SLC4A4: variants seen among roughly 807,000 people sequenced by gnomAD.
SLC4A4 encodes the protein solute carrier family 4 member 4, also known as electrogenic sodium bicarbonate cotransporter 1.
SLC4A4 carries 27 observed loss-of-function variants against 111.5 expected under a neutral mutation model. That is an observed-to-expected ratio of 0.24 (90% confidence interval 0.18 to 0.33). The LOEUF (loss-of-function observed/expected upper bound fraction) is 0.33. Ranked by LOEUF, SLC4A4 falls within the 10% of genes least tolerant of loss-of-function variation. The pLI is 1.00. For missense variants in SLC4A4, 909 were observed against 1,315.5 expected (o/e 0.69, Z 4.78); for synonymous variants, 443 against 463.4 (o/e 0.96, Z 0.57).
chr4:71,071,244 T>C (rs1741651062), intron 1 of SLC4A4, among the ~76,000 whole-genome samples: 1 of 144,138 alleles, frequency 6.9e-6, no homozygotes. Context: ...CTCTCCAGTC[T>C]AGGCGACAGA....
In SLC4A4 at chr4:71,527,794, T is replaced by C. The variant is rs776583489; in HGVS notation, c.2167-4268T>C. ...CAAGTGGAGGTGTCAGGTAGTTAGA[T>C]AGATAATTCTGGAATTTGGAAGAGT... On this transcript the variant is annotated intron_variant, in intron 16 of 25. Transcript: ENST00000264485. Among the ~76,000 whole-genome samples the C allele has an allele frequency of 6.6e-5, 10 of 152,216 alleles. 1 individual carries two copies. The South Asian group carries it at 1.7e-3, about 25-fold the overall frequency.
intron 2 of SLC4A4, among the ~76,000 whole-genome samples, chr4:71,246,799 A>G (rs753433924): frequency 3.4e-4 from 51 of 152,108 alleles, no homozygotes; most frequent in Non-Finnish European, 7.1e-4. Context: ...TGGTACCATG[A>G]TAGTGGAAAA....
chr4:71,267,878 G>A (rs1422649453), intron 3 of SLC4A4, among the ~76,000 whole-genome samples: 1 of 146,148 alleles, frequency 6.8e-6, no homozygotes, highest in Non-Finnish European at 1.5e-5. Flanking sequence ...CATGATAAAA[G>A]CACATCTATA....
chr4:71,211,435 CATG>C (rs1718124478), intron 1 of SLC4A4, among the ~76,000 whole-genome samples: 1 of 152,114 alleles, frequency 6.6e-6, no homozygotes, highest in Non-Finnish European at 1.5e-5. Flanking sequence ...TAGCTCACAC[CATG>C]AGGTTGTTTT....
At chr4:71,255,854 T>C (rs1360459761) in intron 3 of SLC4A4, among the ~76,000 whole-genome samples, 2 of 152,160 alleles carry the variant, frequency 1.3e-5, no homozygotes, top group African/African-American at 4.8e-5. Flanking sequence ...AACCAGGTTA[T>C]GAGTCAGGTC....
intron 6 of SLC4A4, among the ~76,000 whole-genome samples, chr4:71,373,783 G>A (rs78707762): frequency 1.8e-3 from 274 of 152,232 alleles, no homozygotes; most frequent in African/African-American, 6.3e-3. Flanking sequence ...CTAGGATTGC[G>A]ACTGTGGAAG....
chr4:71,152,372 A>T (rs929120729), intron 2 of SLC4A4, among the ~76,000 whole-genome samples: 1 of 152,102 alleles, frequency 6.6e-6, no homozygotes, highest in African/African-American at 2.4e-5. Flanking sequence ...TTTTTCTATG[A>T]CTTGCTTTTT....
intron 3 of SLC4A4, among the ~76,000 whole-genome samples, chr4:71,280,549 TC>T (rs1723428100): frequency 6.6e-6 from 1 of 152,192 alleles, no homozygotes; most frequent in Admixed American, 6.5e-5. Context: ...TTAAACTATT[TC>T]AAGTTAATCT....
intron 2 of SLC4A4, among the ~76,000 whole-genome samples, chr4:71,248,660 A>G (rs899567074): frequency 6.6e-6 from 1 of 152,238 alleles, no homozygotes; most frequent in African/African-American, 2.4e-5. Context: ...TCTAGCTAAG[A>G]TCTTTTCAAA....
intron 2 of SLC4A4, among the ~76,000 whole-genome samples, chr4:71,137,872 AC>A (rs1743889118): frequency 6.6e-6 from 1 of 152,220 alleles, no homozygotes; most frequent in Non-Finnish European, 1.5e-5. Context: ...AGTTTCAGTC[AC>A]AAAGAAATTT....
chr4:71,519,749 A>G (rs1394483268), intron 16 of SLC4A4, among the ~76,000 whole-genome samples: 1 of 152,080 alleles, frequency 6.6e-6, no homozygotes, highest in African/African-American at 2.4e-5. Context: ...ATTCTCCTGC[A>G]TCAGTCTCCT....
chr4:71,336,114 A>T (rs1001711033), intron 3 of SLC4A4, among the ~76,000 whole-genome samples: 2 of 152,206 alleles, frequency 1.3e-5, no homozygotes, highest in Non-Finnish European at 2.9e-5. Flanking sequence ...CTCAGTAAAC[A>T]TTTGCTGAAT....
At chr4:71,237,791 GC>G (rs1201006228) in intron 2 of SLC4A4, among the ~76,000 whole-genome samples, 1 of 151,994 alleles carries the variant, frequency 6.6e-6, no homozygotes, top group African/African-American at 2.4e-5. Flanking sequence ...GCCTCCACCC[GC>G]CCCCCTCAAC....
intron 15 of SLC4A4, among the ~76,000 whole-genome samples, 188 bp downstream of exon 15, chr4:71,487,206 T>G (rs1246644170): frequency 1.3e-5 from 2 of 151,604 alleles, no homozygotes; most frequent in Non-Finnish European, 3.0e-5. Context: ...CAGCACTTTT[T>G]TTTTATTTGC....
intron 2 of SLC4A4, among the ~76,000 whole-genome samples, chr4:71,096,927 A>G (rs1742574818): frequency 1.3e-5 from 2 of 152,224 alleles, no homozygotes; most frequent in Non-Finnish European, 2.9e-5. Context: ...GAGTTCTTTT[A>G]TGAATTAGTG....
rs12499184 is a variant in SLC4A4 at position 71,084,553 on chromosome 4, C to A, written c.-64-8177C>A. Among the ~76,000 whole-genome samples the A allele has an allele frequency of 2.0e-3, 299 of 151,736 alleles. 2 individuals carry two copies. Among genetic ancestry groups the A allele is most frequent in the African/African-American group, 6.9e-3 (286 of 41,220 alleles). On this transcript the variant is annotated intron_variant, in intron 1 of 26. Coordinates refer to the SLC4A4 transcript ENST00000649996. ...ATATCTCCTAATGCTATCCCTCCCC[C>A]CTGCCCCCACTGCACAACAGGCCCC...
Position 71,453,507 on chromosome 4 carries a change from AC to A in SLC4A4, c.1336del (p.Leu446Ter). ...LQRTGRFCGG[L>X]IKDIKRKAPF... ...TCTCTCTGCCCAGGTTCTGTGGTGG[AC>A]TAATTAAAGACATAAAGAGGAAAGC... On this transcript the variant is annotated frameshift_variant, in exon 12 of 26. Coordinates refer to ENST00000264485, the MANE Select transcript of SLC4A4 (RefSeq NM_001098484.3). LOFTEE classifies it high-confidence loss of function. 1 of 1,613,862 alleles carries A rather than the reference AC, an allele frequency of 6.2e-7. No homozygotes were observed. The highest frequency in any genetic ancestry group is 8.5e-7 in the Non-Finnish European group (1 of 1,179,834).
At chr4:71,204,186 G>GGTTC (rs1746381640) in intron 1 of SLC4A4, among the ~76,000 whole-genome samples, 1 of 152,142 alleles carries the variant, frequency 6.6e-6, no homozygotes, top group Non-Finnish European at 1.5e-5. Context: ...AAACCTGGTG[G>GGTTC]GTTCACTTTA....
chr4:71,430,301 C>CA (rs1723522079), intron 7 of SLC4A4, among the ~76,000 whole-genome samples: 1 of 152,076 alleles, frequency 6.6e-6, no homozygotes, highest in Non-Finnish European at 1.5e-5. Context: ...AGTCTGAGGA[C>CA]ATTTAAGTAC....
Sources: allele counts gnomAD v4.1 joint callset (sites outside exome capture counted in the v4.1 genomes callset), GRCh38; gene constraint gnomAD v4.1.1; transcripts MANE v1.5; gene names NCBI Gene and HGNC (gene_info 2026-07-23, HGNC 2026-07-21).